The following IREB2 variants were observed in gnomAD, a reference collection of about 807,000 sequenced individuals.
The protein encoded by IREB2 is iron responsive element binding protein 2, also known as iron-responsive element-binding protein 2.
A neutral mutation model predicts 118.8 loss-of-function variants in IREB2; 39 were observed. The observed-to-expected ratio is 0.33, with a 90% CI of 0.25 to 0.43. The LOEUF is 0.43. Among genes scored for constraint, IREB2 ranks in the 20% least tolerant of loss-of-function variants. The pLI is 1.00. For synonymous variants in IREB2, 372 were observed against 392.2 expected, an observed-to-expected ratio of 0.95 and a Z score of 0.61; for missense variants, 900 against 1,147.3, an observed-to-expected ratio of 0.78 and a Z score of 3.11.
At chr15:78,488,477 G>T (rs1484504560) in intron 15 of IREB2, 141 bp downstream of exon 15, 1 of 973,112 alleles carries the variant, frequency 1.0e-6, no homozygotes, top group African/African-American at 1.7e-5. Flanking sequence ...ATTAATTTCT[G>T]TGTTTATGTG....
chr15:78,478,447 A>G, intron 10 of IREB2, 50 bp downstream of exon 10: 2 of 1,152,722 alleles, frequency 1.7e-6, no homozygotes, highest in Admixed American at 1.7e-5. Flanking sequence ...ATTGTGGTGT[A>G]ATCCCAGCGC....
In IREB2 at chr15:78,464,163, A is replaced by G. The variant is rs368249852; in HGVS notation, c.272+1076A>G. On this transcript the variant is annotated intron_variant, in intron 3 of 21. Transcript: ENST00000258886. ...TGGTATCCTTGCTGTCACACTTGCA[A>G]TCAATAGTCTGTTCTTTACACAGTA... Among the ~76,000 whole-genome samples the G allele has an allele frequency of 2.3e-4, 35 of 152,308 alleles. 1 individual carries two copies. The East Asian group carries it at 6.0e-3, about 26-fold the overall frequency.
chr15:78,472,980 C>A (rs1214453140), intron 7 of IREB2, among the ~76,000 whole-genome samples: 2 of 152,184 alleles, frequency 1.3e-5, no homozygotes, highest in Non-Finnish European at 2.9e-5. Context: ...ATAATGAATA[C>A]TTAAACTAAT....
chr15:78,467,224 AAG>A (rs1491401429), intron 5 of IREB2, among the ~76,000 whole-genome samples: 5 of 151,638 alleles, frequency 3.3e-5, no homozygotes, highest in Non-Finnish European at 5.9e-5. Context: ...AAAAAAAAAA[AAG>A]AGCCGTATGT....
At chr15:78,449,080 A>G (rs1328377994) in intron 2 of IREB2, among the ~76,000 whole-genome samples, 1 of 152,232 alleles carries the variant, frequency 6.6e-6, no homozygotes, top group East Asian at 1.9e-4. Flanking sequence ...AAATCTGAGT[A>G]ATTTGCCTAA....
chr15:78,498,387 T>A lies in IREB2; in HGVS notation c.*244T>A. ...TGAAGTGTGTTGTGGAAGAGACCTG[T>A]AAGTATGGGGGGGGGGCGATATTTT... is the stretch of plus-strand genomic sequence containing the variant. On this transcript the variant is annotated 3_prime_UTR_variant, in exon 22 of 22. Transcript: ENST00000258886. 2 of 140,010 alleles carry A rather than the reference T, an allele frequency of 1.4e-5. No individual in the cohort carries two copies. Among genetic ancestry groups the A allele is most frequent in the Non-Finnish European group, 2.6e-5 (2 of 77,582 alleles). 8.7% of individuals were successfully genotyped at this position (140,010 alleles called of 1,614,324 possible).
At chr15:78,489,678 C>T (rs1023641662) in intron 16 of IREB2, among the ~76,000 whole-genome samples, 1 of 151,930 alleles carries the variant, frequency 6.6e-6, no homozygotes, top group Non-Finnish European at 1.5e-5. Flanking sequence ...TCAGGCCCAG[C>T]TAATTTTTTA....
intron 9 of IREB2, among the ~76,000 whole-genome samples, chr15:78,477,836 A>C (rs368725106): frequency 2.6e-5 from 4 of 152,116 alleles, no homozygotes; most frequent in African/African-American, 9.7e-5. Flanking sequence ...CGGGAGAATC[A>C]CTTGAACCCA....
chr15:78,486,866 C>T (rs1294349978), intron 13 of IREB2, among the ~76,000 whole-genome samples: 1 of 152,014 alleles, frequency 6.6e-6, no homozygotes, highest in African/African-American at 2.4e-5. Context: ...GACAGAGTTT[C>T]ACTGTGTTGG....
rs77888862 is a variant in IREB2 at position 78,473,404 on chromosome 15, C to T, written c.1023+23C>T. 2.9e-4 allele frequency: 458 copies of T among 1,595,982 alleles called. 3 individuals are homozygous for T. The East Asian group carries it at 9.7e-3, about 34-fold the overall frequency. ...AAGGTAAGTTAAAGTTGTGGTAGCT[C>T]TATGACTTACTGAACATTATTTTTA... is the stretch of plus-strand genomic sequence containing the variant. On this transcript the variant is annotated intron_variant, in intron 8 of 21. Coordinates refer to ENST00000258886, the MANE Select transcript of IREB2 (RefSeq NM_004136.4).
At chr15:78,464,471 GC>G (rs1004727054) in intron 3 of IREB2, among the ~76,000 whole-genome samples, 3 of 152,138 alleles carry the variant, frequency 2.0e-5, no homozygotes, top group Non-Finnish European at 4.4e-5. Flanking sequence ...ACGATACATA[GC>G]CGCATAAGAA....
chr15:78,475,531 T>C (rs2141496027), intron 8 of IREB2: 1 of 152,240 alleles, frequency 6.6e-6, no homozygotes, highest in African/African-American at 2.4e-5. Flanking sequence ...ATGCCATCAG[T>C]GGTTAGCAAA....
upstream of IREB2, chr15:78,437,720 G>C (rs2050773752): frequency 6.5e-6 from 1 of 152,748 alleles, no homozygotes; most frequent in South Asian, 2.0e-4. Flanking sequence ...AGCTACCGGA[G>C]GGTAAGAAAA....
intron 3 of IREB2, among the ~76,000 whole-genome samples, chr15:78,464,651 A>G (rs572641405): frequency 6.6e-6 from 1 of 152,334 alleles, no homozygotes; most frequent in South Asian, 2.1e-4. Flanking sequence ...TGATGTGATC[A>G]TAGTTCACTG....
chr15:78,476,102 A>G (rs891234845), intron 8 of IREB2, 86 bp from the exon 9 acceptor site: 3 of 1,038,904 alleles, frequency 2.9e-6, no homozygotes, highest in Non-Finnish European at 4.1e-6. Context: ...AGTATTGGTT[A>G]AAAATTTTAT....
intron 2 of IREB2, among the ~76,000 whole-genome samples, chr15:78,458,059 C>G (rs1319248050): frequency 6.6e-6 from 1 of 152,018 alleles, no homozygotes; most frequent in East Asian, 1.9e-4. Flanking sequence ...TTCTTCACAT[C>G]TCTGTTAGGT....
chr15:78,438,511 C>A, intron 1 of IREB2, 155 bp downstream of exon 1: 1 of 823,468 alleles, frequency 1.2e-6, no homozygotes, highest in African/African-American at 1.7e-5. Flanking sequence ...GCTGGGCCGC[C>A]CTTTGAGCCT....
At chr15:78,440,565 C>T (rs2050829809) in intron 2 of IREB2, among the ~76,000 whole-genome samples, 1 of 152,198 alleles carries the variant, frequency 6.6e-6, no homozygotes, top group Admixed American at 6.5e-5. Flanking sequence ...TGGGGTCTTG[C>T]TGTGTTGCCC....
chr15:78,481,175 T>A (rs952964777), intron 10 of IREB2, among the ~76,000 whole-genome samples: 1 of 152,094 alleles, frequency 6.6e-6, no homozygotes, highest in Non-Finnish European at 1.5e-5. Context: ...CCCGAGCCCC[T>A]GAGTTTGAAG....
Sources: gnomAD v4.1 joint callset for allele counts (sites outside exome capture counted in the v4.1 genomes callset) on GRCh38, gnomAD v4.1.1 for gene constraint, MANE v1.5 for transcripts, NCBI Gene and HGNC (gene_info 2026-07-23, HGNC 2026-07-21) for gene names.